The following MTREX variants were observed in gnomAD, a reference collection of about 807,000 sequenced individuals.
The protein encoded by MTREX is exosome RNA helicase MTR4.
Under a neutral mutation model 135.4 loss-of-function variants are expected in MTREX, and 76 were observed. The ratio of observed to expected loss-of-function variants is 0.56; its 90% CI spans 0.47 to 0.68. The LOEUF is 0.68. MTREX is among the 30% of genes least tolerant of loss of function. The pLI is 0.00. For missense variants in MTREX, 920 were observed against 1,262.1 expected, an observed-to-expected ratio of 0.73 and a Z score of 4.11; for synonymous variants, 404 against 401.6, an observed-to-expected ratio of 1.01 and a Z score of -0.07.
At chr5:55,343,069 T>G (rs569780640) in intron 7 of MTREX, among the ~76,000 whole-genome samples, 4 of 152,288 alleles carry the variant, frequency 2.6e-5, no homozygotes, top group Admixed American at 6.5e-5. Context: ...TCTTGTTAGG[T>G]TGTTTGGAAA....
Position 55,415,463 on chromosome 5 carries a change from C to G in MTREX, c.2809-507C>G, listed in dbSNP as rs1750952745. On this transcript the variant is annotated intron_variant, in intron 24 of 26. Transcript: ENST00000230640. The stretch of plus-strand genomic sequence containing the variant: ...TAAAATCACTAAGAAATTTAAATTT[C>G]TAGAACCAGCAAAGTCTTCATAGGC... Among the ~76,000 whole-genome samples the G allele has an allele frequency of 5.9e-5, 9 of 152,232 alleles. 1 individual carries two copies. The South Asian group carries it at 1.9e-3, about 32-fold the overall frequency.
At chr5:55,415,080 A>G (rs1441840535) in intron 24 of MTREX, among the ~76,000 whole-genome samples, 1 of 152,196 alleles carries the variant, frequency 6.6e-6, no homozygotes, top group Non-Finnish European at 1.5e-5. Context: ...TGTCTGTTCA[A>G]CATTAGACAA....
chr5:55,349,518 A>C (rs1749793242), intron 11 of MTREX, 55 bp from the exon 12 acceptor site: 1 of 913,882 alleles, frequency 1.1e-6, no homozygotes, highest in Non-Finnish European at 1.8e-6. Context: ...TAATGTGTGA[A>C]GTTTGGTATC....
At chr5:55,400,524 G>GA (rs1192957350) in intron 21 of MTREX, 103 bp downstream of exon 21, 83 of 680,434 alleles carry the variant, frequency 1.2e-4, no homozygotes, top group Non-Finnish European at 1.1e-4. Flanking sequence ...GCTAAAACAG[G>GA]AAAATGTGAG....
chr5:55,353,459 T>G (rs1016217412), intron 14 of MTREX, among the ~76,000 whole-genome samples, 190 bp downstream of exon 14: 2 of 152,148 alleles, frequency 1.3e-5, no homozygotes, highest in African/African-American at 2.4e-5. Context: ...TCACAGCACT[T>G]TGGGAGGCCA....
chr5:55,347,670 G>A (rs1749760385), intron 11 of MTREX, among the ~76,000 whole-genome samples: 1 of 152,236 alleles, frequency 6.6e-6, no homozygotes, highest in Non-Finnish European at 1.5e-5. Context: ...AGTTAAGACA[G>A]TAGCACAACC....
In MTREX at chr5:55,308,012, A is replaced by G; in HGVS notation, c.-2A>G. The G allele has an allele frequency of 1.2e-6, 2 of 1,614,176 alleles. No individual in the cohort carries two copies. The highest frequency in any genetic ancestry group is 1.7e-6 in the Non-Finnish European group (2 of 1,180,034). Reference sequence around the variant, plus strand: ...GGAGATTTGCTCTCACTGCTCCCAAAAATGGCGGACGCATTCGGAGATGAG... The same window carrying G: ...GGAGATTTGCTCTCACTGCTCCCAAGAATGGCGGACGCATTCGGAGATGAG... On this transcript the variant is annotated 5_prime_UTR_variant, in exon 1 of 27. Transcript: ENST00000230640.
At chr5:55,413,862 A>G (rs1246267465) in intron 23 of MTREX, among the ~76,000 whole-genome samples, 1 of 152,214 alleles carries the variant, frequency 6.6e-6, no homozygotes, top group Non-Finnish European at 1.5e-5. Flanking sequence ...ATGTAACTAA[A>G]CTACTATGTA....
chr5:55,349,378 A>G (rs185094646), intron 11 of MTREX, among the ~76,000 whole-genome samples, 195 bp from the exon 12 acceptor site: 4 of 151,900 alleles, frequency 2.6e-5, no homozygotes, highest in African/African-American at 4.8e-5. Flanking sequence ...TTGTAGAGAC[A>G]GGGCTTCGCC....
chr5:55,367,733 A>G (rs772019072), intron 16 of MTREX, among the ~76,000 whole-genome samples: 1 of 152,136 alleles, frequency 6.6e-6, no homozygotes, highest in African/African-American at 2.4e-5. Flanking sequence ...CTTAGAGGGT[A>G]GTGTGACTGA....
In MTREX at chr5:55,423,014, T is replaced by G. The variant is rs939138798; in HGVS notation, c.3076+32T>G. 3.2e-6 allele frequency: 5 copies of G among 1,563,204 alleles called. No individual in the cohort carries two copies. The East Asian group carries it at 1.1e-4, about 36-fold the overall frequency. On this transcript the variant is annotated intron_variant, in intron 26 of 26. Coordinates refer to ENST00000230640, the MANE Select transcript of MTREX (RefSeq NM_015360.5). ...ATCAAATGGATAAGCTGTTTCTAAT[T>G]TAGACAAATTTGGTGAAGCAAATCT...
At chr5:55,319,222 A>G (rs1163765086) in intron 1 of MTREX, among the ~76,000 whole-genome samples, 1 of 152,200 alleles carries the variant, frequency 6.6e-6, no homozygotes, top group African/African-American at 2.4e-5. Context: ...AAATTAGGAA[A>G]TTATATATTG....
intron 1 of MTREX, among the ~76,000 whole-genome samples, chr5:55,310,328 T>C (rs1749090622): frequency 6.6e-6 from 1 of 152,222 alleles, no homozygotes; most frequent in African/African-American, 2.4e-5. Context: ...AAAAAAATCC[T>C]GGCCGGGCGT....
intron 16 of MTREX, among the ~76,000 whole-genome samples, chr5:55,375,563 A>G (rs2112095787): frequency 6.6e-6 from 1 of 152,266 alleles, no homozygotes. Context: ...TCTTTTTTCA[A>G]GGTGCCCACA....
At chr5:55,396,987 T>A (rs1297080934) in intron 19 of MTREX, among the ~76,000 whole-genome samples, 1 of 152,246 alleles carries the variant, frequency 6.6e-6, no homozygotes, top group Non-Finnish European at 1.5e-5. Flanking sequence ...TTTCTGTCTT[T>A]GAAATACTTC....
chr5:55,393,370 T>TCA (rs1750599824), intron 19 of MTREX, among the ~76,000 whole-genome samples: 1 of 152,210 alleles, frequency 6.6e-6, no homozygotes, highest in African/African-American at 2.4e-5. Context: ...CAAATCCAGT[T>TCA]TTTTAATTGC....
rs1225815212 is a variant in MTREX, at chr5:55,416,142, A to C, written c.2971+10A>C. ...ACAGATGTCTTTGAAGGTATGGTTA[A>C]ATTTTACACATATATATTTACAGTA... On this transcript the variant is annotated intron_variant, in intron 25 of 26. Transcript: ENST00000230640. The C allele has an allele frequency of 4.5e-6, 7 of 1,548,686 alleles. No individual in the cohort carries two copies. Among genetic ancestry groups the C allele is most frequent in the Non-Finnish European group, 1.7e-6 (2 of 1,144,478 alleles).
intron 22 of MTREX, among the ~76,000 whole-genome samples, chr5:55,407,134 C>A (rs893443360): frequency 2.0e-5 from 3 of 152,120 alleles, no homozygotes; most frequent in African/African-American, 7.2e-5. Flanking sequence ...GAATTACAGG[C>A]CTTGTAAATG....
intron 1 of MTREX, among the ~76,000 whole-genome samples, chr5:55,314,661 T>C (rs910349710): frequency 6.6e-6 from 1 of 152,228 alleles, no homozygotes; most frequent in African/African-American, 2.4e-5. Flanking sequence ...GTAAGACCTA[T>C]ATTGCACTTC....
Sources: gnomAD v4.1 joint callset for allele counts (sites outside exome capture counted in the v4.1 genomes callset) on GRCh38, gnomAD v4.1.1 for gene constraint, MANE v1.5 for transcripts, NCBI Gene and HGNC (gene_info 2026-07-23, HGNC 2026-07-21) for gene names.